The following PRMT3 variants were observed in gnomAD, a reference collection of about 807,000 sequenced individuals.
PRMT3 encodes the protein protein arginine methyltransferase 3, also known as protein arginine N-methyltransferase 3.
Under a neutral mutation model 71.9 loss-of-function variants are expected in PRMT3, and 62 were observed. The observed-to-expected ratio is 0.86, with a 90% CI of 0.70 to 1.07. The LOEUF (loss-of-function observed/expected upper bound fraction) is 1.07. Among genes scored for constraint, PRMT3 ranks in the 50% least tolerant of loss-of-function variants. The pLI is 0.00. For missense variants in PRMT3, 663 were observed against 643.0 expected (o/e 1.03, Z -0.34); for synonymous variants, 213 against 220.4 (o/e 0.97, Z 0.30).
intron 9 of PRMT3, among the ~76,000 whole-genome samples, chr11:20,420,804 A>G (rs1363555974): frequency 6.6e-6 from 1 of 152,202 alleles, no homozygotes; most frequent in African/African-American, 2.4e-5. Flanking sequence ...AAGTTCAGGA[A>G]CAGGACAAGG....
chr11:20,494,060 T>G, intron 14 of PRMT3, 91 bp downstream of exon 14: 10 of 1,446,450 alleles, frequency 6.9e-6, no homozygotes, highest in South Asian at 2.4e-5. Flanking sequence ...TCATAAGCAT[T>G]TTGCTGCTGT....
chr11:20,393,701 T>G (rs1409037855), intron 5 of PRMT3: 2 of 152,228 alleles, frequency 1.3e-5, no homozygotes, highest in Non-Finnish European at 2.9e-5. Context: ...ATCCTCTTTT[T>G]TTCAAATCTC....
chr11:20,404,538 G>A (rs1042580963), intron 8 of PRMT3, among the ~76,000 whole-genome samples: 3 of 151,932 alleles, frequency 2.0e-5, no homozygotes, highest in African/African-American at 7.3e-5. Flanking sequence ...GCCCTTCATA[G>A]TTTTTGTATT....
At chr11:20,476,755 G>T (rs1424955672) in intron 13 of PRMT3, among the ~76,000 whole-genome samples, 2 of 150,068 alleles carry the variant, frequency 1.3e-5, no homozygotes, top group Non-Finnish European at 3.0e-5. Context: ...CATTTTTAGA[G>T]TTTTTTTATC....
At chr11:20,433,279 C>T (rs1849692901) in intron 10 of PRMT3, among the ~76,000 whole-genome samples, 1 of 152,068 alleles carries the variant, frequency 6.6e-6, no homozygotes, top group Non-Finnish European at 1.5e-5. Context: ...TCATTTAGCT[C>T]CCACTTATAA....
At chr11:20,464,042 G>A (rs1053717398) in intron 12 of PRMT3, among the ~76,000 whole-genome samples, 1 of 152,110 alleles carries the variant, frequency 6.6e-6, no homozygotes, top group African/African-American at 2.4e-5. Context: ...TCCTATAAAT[G>A]TATTGACTGT....
intron 10 of PRMT3, among the ~76,000 whole-genome samples, chr11:20,438,462 G>C (rs552119313): frequency 6.6e-6 from 1 of 152,222 alleles, no homozygotes; most frequent in East Asian, 1.9e-4. Context: ...TACTTCCCAA[G>C]GAAAGGGGTG....
At chr11:20,452,377 GAAT>G (rs1199924633) in intron 11 of PRMT3, among the ~76,000 whole-genome samples, 169 bp downstream of exon 11, 43 of 152,206 alleles carry the variant, frequency 2.8e-4, no homozygotes, top group Admixed American at 2.2e-3. Flanking sequence ...GTTGAAAGTA[GAAT>G]ATTATATAAG....
chr11:20,493,308 T>A lies in PRMT3; in HGVS notation c.1348-611T>A, dbSNP rs1851254265. ...TTCATCACAAAAATATTCATAGTAC[T>A]TAAAAACAGATATACTGGACTAGAA... On this transcript the variant is annotated intron_variant, in intron 13 of 15. Coordinates refer to ENST00000331079, the MANE Select transcript of PRMT3 (RefSeq NM_005788.4). Among the ~76,000 whole-genome samples, 2 of 152,250 alleles carry A rather than the reference T, an allele frequency of 1.3e-5. 1 individual carries two copies. The highest frequency in any genetic ancestry group is 4.1e-4 in the South Asian group (2 of 4,830).
At chr11:20,423,208 C>T (rs942653358) in intron 9 of PRMT3, among the ~76,000 whole-genome samples, 3 of 152,150 alleles carry the variant, frequency 2.0e-5, no homozygotes, top group African/African-American at 7.2e-5. Flanking sequence ...CATCTAGGAC[C>T]AGTTTTCTTC....
At chr11:20,419,100 G>A (rs984693071) in intron 9 of PRMT3, among the ~76,000 whole-genome samples, 4 of 152,168 alleles carry the variant, frequency 2.6e-5, no homozygotes, top group African/African-American at 9.7e-5. Context: ...CCTAGATATT[G>A]CCAGACTATT....
intron 13 of PRMT3, among the ~76,000 whole-genome samples, chr11:20,465,944 C>T (rs1451454279): frequency 2.0e-5 from 3 of 151,996 alleles, no homozygotes; most frequent in Non-Finnish European, 4.4e-5. Flanking sequence ...GAAAATTGAT[C>T]AATCATCTAT....
chr11:20,423,371 G>T (rs867914411), intron 9 of PRMT3, among the ~76,000 whole-genome samples: 4 of 152,214 alleles, frequency 2.6e-5, no homozygotes, highest in Middle Eastern at 3.4e-3. Flanking sequence ...TAATATTGTT[G>T]TACAGGAGTT....
intron 13 of PRMT3, among the ~76,000 whole-genome samples, chr11:20,489,942 A>G (rs1407041817): frequency 6.7e-6 from 1 of 150,350 alleles, no homozygotes; most frequent in Non-Finnish European, 1.5e-5. Context: ...AAAAATAAGA[A>G]TCACACAGAA....
intron 15 of PRMT3, among the ~76,000 whole-genome samples, chr11:20,500,893 A>G (rs1851442907): frequency 6.6e-6 from 1 of 152,216 alleles, no homozygotes; most frequent in Non-Finnish European, 1.5e-5. Context: ...CTCACTGGAC[A>G]GTCAATATCT....
chr11:20,492,717 A>G (rs943015315), intron 13 of PRMT3, among the ~76,000 whole-genome samples: 6 of 152,198 alleles, frequency 3.9e-5, no homozygotes, highest in African/African-American at 1.4e-4. Context: ...AAATTTAACC[A>G]AAAAACTCAA....
chr11:20,494,646 A>G (rs1303046900), intron 15 of PRMT3, among the ~76,000 whole-genome samples: 1 of 152,222 alleles, frequency 6.6e-6, no homozygotes, highest in Admixed American at 6.5e-5. Flanking sequence ...ATTTGAAGCA[A>G]TATAACAGAT....
In PRMT3 at chr11:20,404,162, T is replaced by TG. The variant is rs576149840; in HGVS notation, c.771+1178_771+1179insG. On this transcript the variant is annotated intron_variant, in intron 8 of 15. Transcript: ENST00000331079. ...ATAGTTATCAGTTTTTTATATTTAG[T>TG]TTTTTTTTGTATGCTTTCTATATGT... 4.9e-3 allele frequency among the ~76,000 whole-genome samples: 58 copies of TG among 11,718 alleles called. 1 individual carries two copies. The South Asian group carries it at 0.27, about 54-fold the overall frequency. 7.7% of individuals were successfully genotyped at this position (11,718 alleles called of 152,430 possible).
chr11:20,458,692 C>T (rs999115960), intron 11 of PRMT3, among the ~76,000 whole-genome samples: 2 of 152,102 alleles, frequency 1.3e-5, no homozygotes, highest in Non-Finnish European at 2.9e-5. Flanking sequence ...ATTACATATC[C>T]TTATGCATAT....
Sources: gnomAD v4.1 joint callset for allele counts (sites outside exome capture counted in the v4.1 genomes callset) on GRCh38, gnomAD v4.1.1 for gene constraint, MANE v1.5 for transcripts, NCBI Gene and HGNC (gene_info 2026-07-23, HGNC 2026-07-21) for gene names.